CELF2: variants seen among roughly 807,000 people sequenced by gnomAD.
CELF2 encodes the protein CUG triplet repeat RNA-binding protein 2.
CELF2 carries 8 observed loss-of-function variants against 62.6 expected under a neutral mutation model. The ratio of observed to expected loss-of-function variants is 0.13; its 90% CI spans 0.07 to 0.23. The LOEUF (loss-of-function observed/expected upper bound fraction) is 0.23, where lower values mean the gene tolerates loss of function less well. Among genes scored for constraint, CELF2 ranks in the 10% least tolerant of loss-of-function variants. The pLI, the probability that CELF2 is intolerant of heterozygous loss-of-function variation, is 1.00. For missense variants in CELF2, 333 were observed against 671.0 expected (o/e 0.50, Z 5.56); for synonymous variants, 258 against 250.0 (o/e 1.03, Z -0.30).
the CELF2 span, among the ~76,000 whole-genome samples, chr10:10,621,909 A>G: frequency 1.3e-5 from 2 of 152,248 alleles, no homozygotes; most frequent in Non-Finnish European, 2.9e-5. Context: ...AGGAGATGAA[A>G]GCAAATGCGT....
chr10:11,261,379 C>T (rs1166337125), intron 5 of CELF2, among the ~76,000 whole-genome samples: 3 of 151,960 alleles, frequency 2.0e-5, no homozygotes, highest in Non-Finnish European at 4.4e-5. Context: ...CACAGCTGTA[C>T]CCATCAAGTC....
chr10:11,144,575 A>T (rs1461372166), intron 1 of CELF2, among the ~76,000 whole-genome samples: 2 of 151,106 alleles, frequency 1.3e-5, no homozygotes, highest in African/African-American at 4.9e-5. Flanking sequence ...TCAAAAACAT[A>T]GACTGTATTA....
the CELF2 span, among the ~76,000 whole-genome samples, chr10:10,749,519 T>A: frequency 6.6e-6 from 1 of 152,322 alleles, no homozygotes; most frequent in Non-Finnish European, 1.5e-5. Context: ...ATCAAAATAC[T>A]GATACAATCT....
chr10:11,162,182 G>A (rs978537616), intron 1 of CELF2, among the ~76,000 whole-genome samples: 2 of 151,622 alleles, frequency 1.3e-5, no homozygotes, highest in East Asian at 1.9e-4. Flanking sequence ...TGGTGGGACC[G>A]GACCACCTAT....
intron 1 of CELF2, among the ~76,000 whole-genome samples, chr10:11,063,851 C>A (rs866679193): frequency 2.6e-5 from 4 of 152,162 alleles, no homozygotes; most frequent in Admixed American, 6.5e-5. Context: ...TTAAGTTGGA[C>A]TCTCTAAAAG....
intron 11 of CELF2, among the ~76,000 whole-genome samples, chr10:11,323,200 A>C (rs1411259745): frequency 6.6e-6 from 1 of 152,046 alleles, no homozygotes; most frequent in Non-Finnish European, 1.5e-5. Flanking sequence ...AAAATTGCCC[A>C]AAATAACCAT....
intron 2 of CELF2, among the ~76,000 whole-genome samples, chr10:11,180,599 A>T (rs1486855320): frequency 6.6e-6 from 1 of 152,168 alleles, no homozygotes; most frequent in African/African-American, 2.4e-5. Context: ...ATAGCCTGCC[A>T]TCCGAGCAGA....
chr10:10,497,061 C>T, the CELF2 span, among the ~76,000 whole-genome samples: 1 of 151,898 alleles, frequency 6.6e-6, no homozygotes, highest in Non-Finnish European at 1.5e-5. Context: ...CAAGGTGGCA[C>T]ATGCCTATAA....
chr10:11,325,904 A>G lies in CELF2; in HGVS notation c.1363A>G (p.Met455Val). The change falls in exon 12 of 13, where the codon ATG becomes GTG. Residue 455 changes from methionine to valine, a missense_variant. Physicochemically the swap from Met to Val is conservative, Grantham distance 21. Transcript: ENST00000633077. ...ATTTGGAGACCAGGACATTCTGCAG[A>G]TGTTCATGCCTTTTGGAAATGTTAT... is the stretch of plus-strand genomic sequence containing the variant. Reference protein sequence around the residue: ...QEFGDQDILQMFMPFGNVISA... With the variant: ...QEFGDQDILQVFMPFGNVISA... 4 of 1,614,142 alleles carry G rather than the reference A, an allele frequency of 2.5e-6. No homozygotes were observed. Among genetic ancestry groups the G allele is most frequent in the Non-Finnish European group, 3.4e-6 (4 of 1,179,980 alleles).
At chr10:11,197,058 A>AAAGAAAGAAAGG (rs1250421470) in intron 2 of CELF2, among the ~76,000 whole-genome samples, 3 of 71,956 alleles carry the variant, frequency 4.2e-5, no homozygotes, top group South Asian at 1.4e-3. Flanking sequence ...AGAAAGAAAG[A>AAAGAAAGAAAGG]AAAGAAAGAA....
At chr10:10,765,088 T>A in the CELF2 span, among the ~76,000 whole-genome samples, 2 of 152,084 alleles carry the variant, frequency 1.3e-5, no homozygotes, top group African/African-American at 4.8e-5. Context: ...CACGGCTTGA[T>A]CTTGTGGGGG....
intron 1 of CELF2, among the ~76,000 whole-genome samples, chr10:10,809,399 T>G (rs1026491622): frequency 6.6e-6 from 1 of 152,248 alleles, no homozygotes; most frequent in African/African-American, 2.4e-5. Flanking sequence ...CTGAGCAGAC[T>G]AATCACAACA....
At chr10:11,199,859 T>G (rs984132847) in intron 2 of CELF2, among the ~76,000 whole-genome samples, 1 of 152,204 alleles carries the variant, frequency 6.6e-6, no homozygotes, top group Non-Finnish European at 1.5e-5. Flanking sequence ...TCAGAGTGTT[T>G]AAGCTAGAGG....
intron 1 of CELF2, among the ~76,000 whole-genome samples, chr10:11,036,558 A>T (rs1301366373): frequency 6.6e-6 from 1 of 152,248 alleles, no homozygotes; most frequent in Non-Finnish European, 1.5e-5. Context: ...CATATTGGAC[A>T]TTCCTATGAT....
the CELF2 span, among the ~76,000 whole-genome samples, chr10:10,620,560 C>T: frequency 2.6e-5 from 4 of 151,954 alleles, 1 homozygote; most frequent in African/African-American, 9.6e-5. Flanking sequence ...TGTTGCTGAC[C>T]CCTGACCTAG....
At chr10:11,276,127 T>C (rs963190936) in intron 8 of CELF2, among the ~76,000 whole-genome samples, 21 of 152,200 alleles carry the variant, frequency 1.4e-4, no homozygotes, top group Admixed American at 3.9e-4. Context: ...TAAATATGTA[T>C]CCTTGGGGTT....
At chr10:11,197,061 A>AG (rs2058076913) in intron 2 of CELF2, among the ~76,000 whole-genome samples, 5 of 114,762 alleles carry the variant, frequency 4.4e-5, no homozygotes, top group Non-Finnish European at 7.4e-5. Context: ...AAGAAAGAAA[A>AG]GAAAGAAAGG....
intron 1 of CELF2, among the ~76,000 whole-genome samples, chr10:11,080,931 C>G (rs1387690744): frequency 6.6e-6 from 1 of 152,200 alleles, no homozygotes; most frequent in Non-Finnish European, 1.5e-5. Flanking sequence ...CTGTCTCAGC[C>G]TGCTTCTGGT....
chr10:11,089,152 G>T (rs1338785006), intron 1 of CELF2, among the ~76,000 whole-genome samples: 2 of 152,202 alleles, frequency 1.3e-5, no homozygotes, highest in African/African-American at 4.8e-5. Flanking sequence ...CAAGAGGAGA[G>T]GATTGGACTC....
Sources: gnomAD v4.1 joint callset for allele counts (sites outside exome capture counted in the v4.1 genomes callset) on GRCh38, gnomAD v4.1.1 for gene constraint, MANE v1.5 for transcripts, NCBI Gene and HGNC (gene_info 2026-07-23, HGNC 2026-07-21) for gene names.